Variants in KMO observed in about 807,000 individuals in gnomAD.
The protein encoded by KMO is kynurenine 3-hydroxylase.
A neutral mutation model predicts 57.8 loss-of-function variants in KMO; 24 were observed. The ratio of observed to expected loss-of-function variants is 0.42; its 90% CI spans 0.30 to 0.58. The LOEUF (loss-of-function observed/expected upper bound fraction) is 0.58, where lower values mean the gene tolerates loss of function less well. KMO is among the 20% of genes least tolerant of loss of function. The pLI, the probability that KMO is intolerant of heterozygous loss-of-function variation, is 0.22. For synonymous variants in KMO, 210 were observed against 193.6 expected (o/e 1.08, Z -0.70); for missense variants, 483 against 588.2 (o/e 0.82, Z 1.85).
chr1:241,544,827 T>G, intron 1 of KMO, among the ~76,000 whole-genome samples: 1 of 152,172 alleles, frequency 6.6e-6, no homozygotes, highest in East Asian at 1.9e-4. Context: ...AAAGTATATG[T>G]AGATGATTTG....
chr1:241,570,627 G>C (rs1202568080), intron 10 of KMO, among the ~76,000 whole-genome samples: 1 of 151,986 alleles, frequency 6.6e-6, no homozygotes. Context: ...TCTCTATTCT[G>C]TTCCATTGGT....
At chr1:241,577,497 T>G (rs1052776092) in intron 10 of KMO, among the ~76,000 whole-genome samples, 1 of 152,164 alleles carries the variant, frequency 6.6e-6, no homozygotes, top group African/African-American at 2.4e-5. Context: ...CTTTCAGAGT[T>G]GAAGACTCTG....
At chr1:241,542,413 G>C (rs1398811916) in intron 1 of KMO, among the ~76,000 whole-genome samples, 2 of 152,176 alleles carry the variant, frequency 1.3e-5, no homozygotes, top group Non-Finnish European at 2.9e-5. Flanking sequence ...ATGATACATT[G>C]GGTAAATCCA....
chr1:241,583,903 C>A (rs1662861379), intron 10 of KMO, among the ~76,000 whole-genome samples: 1 of 152,074 alleles, frequency 6.6e-6, no homozygotes, highest in African/African-American at 2.4e-5. Flanking sequence ...TATATTTTTT[C>A]TAGGCACTAT....
At chr1:241,577,892 C>T (rs1558427698) in intron 10 of KMO, among the ~76,000 whole-genome samples, 1 of 152,064 alleles carries the variant, frequency 6.6e-6, no homozygotes, top group East Asian at 1.9e-4. Flanking sequence ...GTGGGAGCCA[C>T]CTCTCCCCTT....
chr1:241,559,628 A>C (rs998260742), intron 5 of KMO, among the ~76,000 whole-genome samples: 1 of 152,196 alleles, frequency 6.6e-6, no homozygotes, highest in Non-Finnish European at 1.5e-5. Flanking sequence ...CCCCAAATCA[A>C]ACTGAAACAA....
intron 2 of KMO, among the ~76,000 whole-genome samples, chr1:241,549,229 GAAAGAAAGAAAGAAAGAAAGAAAGAAA>G (rs1256533752): frequency 0.025 from 298 of 12,074 alleles, 6 homozygotes; most frequent in African/African-American, 0.038. Context: ...AAGAAAGAAA[GAAAGAAAGAAAGAAAGAAAGAAAGAAA>G]GAAAGAAAGA....
intron 1 of KMO, among the ~76,000 whole-genome samples, chr1:241,541,479 A>G (rs989039004): frequency 3.9e-5 from 6 of 152,246 alleles, no homozygotes; most frequent in Non-Finnish European, 5.9e-5. Context: ...AGATGCCTAT[A>G]GACAGGTTCA....
chr1:241,546,018 T>A (rs1013060943), intron 1 of KMO, among the ~76,000 whole-genome samples: 1 of 151,970 alleles, frequency 6.6e-6, no homozygotes, highest in African/African-American at 2.4e-5. Context: ...GGTGATGTCA[T>A]TTTTTTTCCA....
intron 7 of KMO, among the ~76,000 whole-genome samples, chr1:241,564,399 G>T (rs182234332): frequency 3.9e-5 from 6 of 151,924 alleles, no homozygotes. Flanking sequence ...TAATTACAGA[G>T]GACCCACTAA....
At chr1:241,551,672 A>G (rs1177829818) in intron 4 of KMO, among the ~76,000 whole-genome samples, 1 of 152,194 alleles carries the variant, frequency 6.6e-6, no homozygotes, top group South Asian at 2.1e-4. Context: ...TTCTTGAGAG[A>G]GAATGAATGC....
Position 241,592,180 on chromosome 1 carries a change from A to G in KMO, c.*27A>G, listed in dbSNP as rs1663333527. On this transcript the variant is annotated 3_prime_UTR_variant, in exon 15 of 15. Coordinates refer to ENST00000366559, the MANE Select transcript of KMO (RefSeq NM_003679.5). Reference sequence around the variant, plus strand: ...AGAAAGGTTTTGTGGTAGCAAATGCATGATTTCTCTGTGACCAAAATTAAG... The same window carrying G: ...AGAAAGGTTTTGTGGTAGCAAATGCGTGATTTCTCTGTGACCAAAATTAAG... 6.4e-7 allele frequency: 1 copy of G among 1,570,302 alleles called. No individual in the cohort carries two copies. The highest frequency in any genetic ancestry group is 8.7e-7 in the Non-Finnish European group (1 of 1,142,904).
chr1:241,540,369 T>C (rs1299614950), intron 1 of KMO, among the ~76,000 whole-genome samples: 1 of 151,680 alleles, frequency 6.6e-6, no homozygotes, highest in Non-Finnish European at 1.5e-5. Flanking sequence ...TCTATATACA[T>C]ATATATATAT....
At chr1:241,551,175 A>T (rs1397906477) in intron 4 of KMO, 131 bp downstream of exon 4, 2 of 601,712 alleles carry the variant, frequency 3.3e-6, no homozygotes, top group African/African-American at 3.9e-5. Flanking sequence ...AGACCCCAGG[A>T]ATACAGATAC....
Position 241,568,511 on chromosome 1 carries a change from T to G in KMO, c.821T>G (p.Val274Gly). Residue 274 changes from valine (V) to glycine (G), a missense_variant, in exon 10 of 15, where the codon GTG (valine) becomes GGG (glycine). By Grantham distance (109) the Val-to-Gly change is moderately radical (BLOSUM62 -3). Coordinates refer to ENST00000366559, the MANE Select transcript of KMO (RefSeq NM_003679.5). ...AIPLIGEKLL[V>G]QDFFLLPAQP... is the part of the protein sequence containing the mutation. ...ATTTTCCTTTGAAGGAAACTCCTAG[T>G]GCAAGATTTCTTCCTGTTGCCTGCC... 1 of 1,613,848 alleles carries G rather than the reference T, an allele frequency of 6.2e-7. No homozygotes were observed. The highest frequency in any genetic ancestry group is 1.3e-5 in the African/African-American group (1 of 75,044).
At chr1:241,543,334 T>C (rs1233386336) in intron 1 of KMO, among the ~76,000 whole-genome samples, 2 of 152,314 alleles carry the variant, frequency 1.3e-5, no homozygotes, top group East Asian at 1.9e-4. Flanking sequence ...ATACTACTTA[T>C]GTGTTTCAAA....
chr1:241,542,257 G>A (rs142566050), intron 1 of KMO, among the ~76,000 whole-genome samples: 1 of 152,132 alleles, frequency 6.6e-6, no homozygotes, highest in African/African-American at 2.4e-5. Context: ...GCTCAGCAAC[G>A]GAAGACTGGA....
In KMO at chr1:241,594,876, A is replaced by G; in HGVS notation, c.*2723A>G. ...CCCCAGAGCTTTATGTCTTTTATTC[A>G]TTCTAATTCTTATTAACCGGAATAT... is the stretch of plus-strand genomic sequence containing the variant. On this transcript the variant is annotated 3_prime_UTR_variant, in exon 15 of 15. Transcript: ENST00000366559. 1.6e-6 allele frequency: 1 copy of G among 617,888 alleles called. No individual in the cohort carries two copies. Among genetic ancestry groups the G allele is most frequent in the Middle Eastern group, 3.6e-4 (1 of 2,772 alleles). 38.3% of individuals were successfully genotyped at this position (617,888 alleles called of 1,614,324 possible). A position where few individuals can be genotyped will look rare whatever the true frequency, so the allele number is the denominator to read the frequency against.
At chr1:241,539,595 C>T (rs1216610015) in intron 1 of KMO, among the ~76,000 whole-genome samples, 1 of 152,210 alleles carries the variant, frequency 6.6e-6, no homozygotes, top group South Asian at 2.1e-4. Flanking sequence ...ATCTGAATCT[C>T]TTTCGTGTGC....
Sources: gnomAD v4.1 joint callset for allele counts (sites outside exome capture counted in the v4.1 genomes callset) on GRCh38, gnomAD v4.1.1 for gene constraint, MANE v1.5 for transcripts, NCBI Gene and HGNC (gene_info 2026-07-23, HGNC 2026-07-21) for gene names.